Variants in TNRC6A observed in about 807,000 individuals in gnomAD.
The protein encoded by TNRC6A is trinucleotide repeat containing adaptor 6A.
TNRC6A carries 44 observed loss-of-function variants against 221.2 expected under a neutral mutation model. The ratio of observed to expected loss-of-function variants is 0.20; its 90% confidence interval spans 0.16 to 0.26. The LOEUF (loss-of-function observed/expected upper bound fraction) is 0.26. Ranked by LOEUF, TNRC6A falls within the 10% of genes least tolerant of loss-of-function variation. The pLI is 1.00. For missense variants in TNRC6A, 2,199 were observed against 2,404.4 expected (o/e 0.91, Z 1.79); for synonymous variants, 847 against 838.5 (o/e 1.01, Z -0.18).
At chr16:24,812,706 A>G (rs1206509650) in intron 18 of TNRC6A, among the ~76,000 whole-genome samples, 1 of 152,114 alleles carries the variant, frequency 6.6e-6, no homozygotes, top group African/African-American at 2.4e-5. Flanking sequence ...TCTACCATCT[A>G]GGTTTGTGTA....
At chr16:24,630,395 G>T (rs1901271242) in intron 1 of TNRC6A, among the ~76,000 whole-genome samples, 2 of 152,154 alleles carry the variant, frequency 1.3e-5, no homozygotes, top group Non-Finnish European at 2.9e-5. Context: ...CAGGCACAGT[G>T]GCTAACATGT....
chr16:24,815,700 A>C (rs2058642436), intron 19 of TNRC6A: 1 of 200,158 alleles, frequency 5.0e-6, no homozygotes, highest in East Asian at 1.2e-4. Flanking sequence ...CTAAAACTAC[A>C]AAAAATTAGC....
intron 2 of TNRC6A, among the ~76,000 whole-genome samples, chr16:24,657,126 G>A (rs915095527): frequency 8.6e-5 from 13 of 150,934 alleles, no homozygotes; most frequent in Non-Finnish European, 1.0e-4. Context: ...CGGCCTGGGA[G>A]ACATAGCAAG....
chr16:24,668,556 G>A (rs891885427), intron 2 of TNRC6A, among the ~76,000 whole-genome samples: 3 of 151,998 alleles, frequency 2.0e-5, no homozygotes, highest in Non-Finnish European at 2.9e-5. Context: ...CTGGCATCAC[G>A]CTTGCCTCCA....
intron 19 of TNRC6A, chr16:24,815,696 C>G (rs2058642378): frequency 4.9e-6 from 1 of 203,754 alleles, no homozygotes; most frequent in African/African-American, 2.3e-5. Flanking sequence ...TCTACTAAAA[C>G]TACAAAAAAT....
At chr16:24,650,702 A>G (rs1373631396) in intron 2 of TNRC6A, among the ~76,000 whole-genome samples, 1 of 151,938 alleles carries the variant, frequency 6.6e-6, no homozygotes, top group African/African-American at 2.4e-5. Flanking sequence ...AAGGATTCAA[A>G]CCAAACGAAT....
At chr16:24,727,612 T>C (rs2056513904), upstream of TNRC6A, among the ~76,000 whole-genome samples, 1 of 151,132 alleles carries the variant, frequency 6.6e-6, no homozygotes, top group Non-Finnish European at 1.5e-5. Context: ...TAAAAAAGTC[T>C]AATAAAAAAA....
chr16:24,793,702 C>G, intron 7 of TNRC6A, 53 bp downstream of exon 7: 2 of 1,290,558 alleles, frequency 1.5e-6, no homozygotes. Flanking sequence ...CGAACACTCA[C>G]TGACTATAAT....
intron 2 of TNRC6A, among the ~76,000 whole-genome samples, chr16:24,746,411 CTAAA>C (rs940693643): frequency 3.9e-5 from 6 of 152,110 alleles, no homozygotes; most frequent in African/African-American, 1.4e-4. Context: ...GACTTCGTCT[CTAAA>C]TAAATAAATA....
rs71156430 is a variant in TNRC6A, at chr16:24,648,274, C to CTT, written n.402+7279_402+7280dup. Among the ~76,000 whole-genome samples the CTT allele has an allele frequency of 5.1e-5, 5 of 97,866 alleles. 1 individual carries two copies. In the East Asian group the frequency reaches 7.8e-4, roughly 15 times the overall value. The allele number at this position is 97,866 out of a possible 152,430, so 64.2% of individuals were successfully genotyped here. On this transcript the variant is annotated intron_variant and non_coding_transcript_variant, in intron 2 of 2. Transcript: ENST00000566108. ...GCAATTGTACCACTTTCCACAGCAA[C>CTT]TTTTTTTTTTTTTTTGAGATGGAGT...
At chr16:24,816,471 A>G (rs540634426) in intron 19 of TNRC6A, 1 of 190,090 alleles carries the variant, frequency 5.3e-6, no homozygotes, top group African/African-American at 2.4e-5. Flanking sequence ...GCACCACTAC[A>G]CTCCAACCTG....
intron 2 of TNRC6A, among the ~76,000 whole-genome samples, chr16:24,711,274 C>T (rs1351246119): frequency 1.3e-5 from 2 of 152,144 alleles, no homozygotes; most frequent in Non-Finnish European, 2.9e-5. Context: ...TCCCAAATTG[C>T]TGGGATTACA....
At chr16:24,613,712 T>G (rs761910261) in intron 1 of TNRC6A, among the ~76,000 whole-genome samples, 1 of 151,798 alleles carries the variant, frequency 6.6e-6, no homozygotes, top group Non-Finnish European at 1.5e-5. Context: ...TTTTTTGTAT[T>G]TTTAGTAGAA....
intron 2 of TNRC6A, among the ~76,000 whole-genome samples, chr16:24,647,832 G>A (rs1051814833): frequency 1.3e-5 from 2 of 152,028 alleles, no homozygotes; most frequent in East Asian, 1.9e-4. Context: ...GGCTGGTCTC[G>A]AACTCCTGAC....
upstream of TNRC6A, among the ~76,000 whole-genome samples, chr16:24,729,381 A>G (rs540634599): frequency 1.5e-4 from 22 of 144,106 alleles, no homozygotes; most frequent in South Asian, 6.7e-4. Flanking sequence ...CGCAGCAAAG[A>G]AGGAGGAGGA....
chr16:24,675,279 T>A (rs779166613), intron 2 of TNRC6A, among the ~76,000 whole-genome samples: 1 of 152,200 alleles, frequency 6.6e-6, no homozygotes, highest in Non-Finnish European at 1.5e-5. Flanking sequence ...GCAAGAGAAG[T>A]ACAAAAAGAT....
At chr16:24,795,753 TGATGAA>T in intron 8 of TNRC6A, 148 bp from the exon 9 acceptor site, 1 of 603,246 alleles carries the variant, frequency 1.7e-6, no homozygotes, top group East Asian at 2.7e-5. Flanking sequence ...GATAGGACAC[TGATGAA>T]TTTGAGACTG....
chr16:24,639,347 G>A (rs1184454356), intron 1 of TNRC6A, among the ~76,000 whole-genome samples: 1 of 152,040 alleles, frequency 6.6e-6, no homozygotes, highest in Non-Finnish European at 1.5e-5. Flanking sequence ...AAGAAAATTA[G>A]CCAGGCATAG....
chr16:24,694,653 C>CAA (rs145287258), intron 2 of TNRC6A, among the ~76,000 whole-genome samples: 59 of 54,790 alleles, frequency 1.1e-3, no homozygotes, highest in Non-Finnish European at 1.3e-3. Flanking sequence ...GACTCTGTCT[C>CAA]AAAAAAAAAA....
Sources: allele counts gnomAD v4.1 joint callset (sites outside exome capture counted in the v4.1 genomes callset), GRCh38; gene constraint gnomAD v4.1.1; transcripts MANE v1.5; gene names NCBI Gene and HGNC (gene_info 2026-07-23, HGNC 2026-07-21).